The following TASP1 variants were observed in gnomAD, a reference collection of about 807,000 sequenced individuals.
TASP1 encodes the protein threonine aspartase 1.
In TASP1, 16 loss-of-function variants were observed where a neutral mutation model predicts 56.6. That is an observed-to-expected ratio of 0.28 (90% confidence interval 0.19 to 0.43). The LOEUF is 0.43. Ranked by LOEUF, TASP1 falls within the 20% of genes least tolerant of loss-of-function variation. TASP1 has a pLI of 1.00. For synonymous variants in TASP1, 179 were observed against 184.2 expected (o/e 0.97, Z 0.23); for missense variants, 393 against 511.6 (o/e 0.77, Z 2.24).
the TASP1 span, among the ~76,000 whole-genome samples, chr20:13,263,706 C>T: frequency 1.4e-4 from 22 of 152,278 alleles, no homozygotes; most frequent in Admixed American, 3.9e-4. Context: ...ATGTGGAAGG[C>T]GCACAGCCAT....
At chr20:13,425,795 T>C (rs1308404840) in intron 12 of TASP1, among the ~76,000 whole-genome samples, 9 of 152,090 alleles carry the variant, frequency 5.9e-5, no homozygotes, top group Admixed American at 5.9e-4. Context: ...AGGGTCTTTA[T>C]AACCAGCAGG....
At chr20:13,437,609 C>A (rs1482356904) in intron 11 of TASP1, among the ~76,000 whole-genome samples, 2 of 152,100 alleles carry the variant, frequency 1.3e-5, no homozygotes, top group Admixed American at 6.6e-5. Context: ...TCTAGAAAAC[C>A]CCATTGTCTC....
chr20:13,192,294 TG>T, the TASP1 span, among the ~76,000 whole-genome samples: 1 of 152,066 alleles, frequency 6.6e-6, no homozygotes, highest in East Asian at 1.9e-4. Context: ...CCCAGCAATT[TG>T]GGAGGCCAGA....
intron 4 of TASP1, among the ~76,000 whole-genome samples, chr20:13,591,457 A>G (rs1008946297): frequency 3.9e-5 from 6 of 152,126 alleles, no homozygotes; most frequent in Admixed American, 3.9e-4. Context: ...AAGAGAGGAA[A>G]CAAACTAAAA....
chr20:13,297,965 C>T, the TASP1 span, among the ~76,000 whole-genome samples: 1 of 152,296 alleles, frequency 6.6e-6, no homozygotes, highest in South Asian at 2.1e-4. Context: ...GCGATGGTTA[C>T]ATGCCTAAGG....
the TASP1 span, among the ~76,000 whole-genome samples, chr20:13,305,641 T>C: frequency 6.6e-6 from 1 of 152,220 alleles, no homozygotes; most frequent in African/African-American, 2.4e-5. Context: ...AGGTCCTGCA[T>C]ACAGTAGTGT....
the TASP1 span, among the ~76,000 whole-genome samples, chr20:13,204,694 CAG>C: frequency 1.3e-5 from 2 of 152,114 alleles, no homozygotes; most frequent in East Asian, 3.9e-4. Flanking sequence ...TGCACGCCAC[CAG>C]TGGATTTATA....
At chr20:13,323,057 A>T in the TASP1 span, among the ~76,000 whole-genome samples, 1 of 152,056 alleles carries the variant, frequency 6.6e-6, no homozygotes, top group Non-Finnish European at 1.5e-5. Flanking sequence ...ACTCTGGGGG[A>T]AGACACCACC....
chr20:13,282,731 C>A, the TASP1 span, among the ~76,000 whole-genome samples: 19 of 152,204 alleles, frequency 1.2e-4, no homozygotes, highest in Non-Finnish European at 5.9e-5. Context: ...CTGTGCAGTA[C>A]CTCTAAAGCA....
the TASP1 span, among the ~76,000 whole-genome samples, chr20:13,370,230 T>C: frequency 6.6e-6 from 1 of 151,942 alleles, no homozygotes; most frequent in Non-Finnish European, 1.5e-5. Context: ...CAAAGAAATA[T>C]AAGATACAAA....
intron 4 of TASP1, among the ~76,000 whole-genome samples, chr20:13,617,741 C>T (rs2048571529): frequency 6.6e-6 from 1 of 152,152 alleles, no homozygotes; most frequent in Non-Finnish European, 1.5e-5. Context: ...TAAAAACCAA[C>T]TGACTGAAGT....
intron 10 of TASP1, among the ~76,000 whole-genome samples, chr20:13,499,563 A>T (rs1382283980): frequency 6.6e-6 from 1 of 152,122 alleles, no homozygotes; most frequent in Admixed American, 6.6e-5. Flanking sequence ...AGACTATGAT[A>T]CTTGGAGCAT....
the TASP1 span, among the ~76,000 whole-genome samples, chr20:13,175,601 T>A: frequency 6.6e-6 from 1 of 151,986 alleles, no homozygotes; most frequent in Non-Finnish European, 1.5e-5. Flanking sequence ...GAAAAAAAAA[T>A]TGAAGTACTC....
At chr20:13,128,003 T>A in the TASP1 span, among the ~76,000 whole-genome samples, 1 of 152,226 alleles carries the variant, frequency 6.6e-6, no homozygotes, top group Non-Finnish European at 1.5e-5. Context: ...GTGACTTATC[T>A]ATTCAACCCT....
At chr20:13,531,248 CT>C (rs2045205984) in intron 9 of TASP1, among the ~76,000 whole-genome samples, 1 of 151,742 alleles carries the variant, frequency 6.6e-6, no homozygotes, top group African/African-American at 2.4e-5. Context: ...TGTTAAGTAA[CT>C]TGTTCAAAGT....
chr20:13,214,358 A>G, the TASP1 span, among the ~76,000 whole-genome samples: 4 of 152,094 alleles, frequency 2.6e-5, no homozygotes, highest in Non-Finnish European at 4.4e-5. Flanking sequence ...TGTTCTCTTA[A>G]GCTCTCTTAT....
At position 13,437,555 on chromosome 20, in the gene TASP1, G is replaced by C. The variant is rs144238627; in HGVS notation, c.986-2401C>G. 3.1e-3 allele frequency among the ~76,000 whole-genome samples: 479 copies of C among 152,302 alleles called. 2 individuals are homozygous for C. The highest frequency in any genetic ancestry group is 4.7e-3 in the Admixed American group (72 of 15,294). On this transcript the variant is annotated intron_variant, in intron 11 of 13. Coordinates refer to ENST00000337743, the MANE Select transcript of TASP1 (RefSeq NM_017714.3). Reference sequence around the variant, plus strand: ...AATAAAGGGTATTCAATTACGAAAAGAGGAAATCAAATTGTCCCTGTTTGC... The same window carrying C: ...AATAAAGGGTATTCAATTACGAAAACAGGAAATCAAATTGTCCCTGTTTGC...
the TASP1 span, among the ~76,000 whole-genome samples, chr20:13,302,669 T>C: frequency 4.6e-5 from 7 of 152,210 alleles, no homozygotes; most frequent in East Asian, 1.3e-3. Flanking sequence ...TTGCAGTCCT[T>C]GTAAATATGA....
the TASP1 span, among the ~76,000 whole-genome samples, chr20:13,256,739 T>G: frequency 6.6e-6 from 1 of 152,184 alleles, no homozygotes; most frequent in African/African-American, 2.4e-5. Flanking sequence ...ACACCCCTAG[T>G]AAGTATGAGC....
Sources: gnomAD v4.1 joint callset for allele counts (sites outside exome capture counted in the v4.1 genomes callset) on GRCh38, gnomAD v4.1.1 for gene constraint, MANE v1.5 for transcripts, NCBI Gene and HGNC (gene_info 2026-07-23, HGNC 2026-07-21) for gene names.